Variants in IL10 observed in about 807,000 individuals in gnomAD.
The protein encoded by IL10 is interleukin 10.
In IL10, 7 loss-of-function variants were observed where a neutral mutation model predicts 21.0. The ratio of observed to expected loss-of-function variants is 0.33; its 90% CI spans 0.19 to 0.63. IL10 has a LOEUF of 0.63. Ranked by LOEUF, IL10 falls within the 20% of genes least tolerant of loss-of-function variation. The pLI, the probability that IL10 is intolerant of heterozygous loss-of-function variation, is 0.77. For missense variants in IL10, 161 were observed against 213.0 expected (o/e 0.76, Z 1.52); for synonymous variants, 83 against 79.7 (o/e 1.04, Z -0.22).
At chr1:206,769,216 G>A (rs1674750616) in intron 4 of IL10, among the ~76,000 whole-genome samples, 1 of 152,212 alleles carries the variant, frequency 6.6e-6, no homozygotes, top group Admixed American at 6.5e-5. Context: ...CAGCCCACGA[G>A]GAGGACATAG....
chr1:206,771,532 CA>C (rs1009464908), intron 1 of IL10, 117 bp from the exon 2 acceptor site: 4 of 801,758 alleles, frequency 5.0e-6, no homozygotes, highest in Non-Finnish European at 4.2e-6. Flanking sequence ...GGCTCTGGCC[CA>C]AAAAAATCAA....
Position 206,769,825 on chromosome 1 carries a change from T to C in IL10, c.444+4A>G. On this transcript the variant is annotated splice_donor_region_variant and intron_variant, in intron 4 of 4. Transcript: ENST00000423557. ...AGACCCTCTCTGCCACCATCCAAGC[T>C]CACCTTATTAAAGGCATTCTTCACC... 6.2e-7 allele frequency: 1 copy of C among 1,612,044 alleles called. No homozygotes were observed. The highest frequency in any genetic ancestry group is 8.5e-7 in the Non-Finnish European group (1 of 1,178,154).
At position 206,768,315 on chromosome 1, in the gene IL10, T is replaced by A. The variant is rs1674726971; in HGVS notation, c.*321A>T. 2 of 323,754 alleles carry A rather than the reference T, an allele frequency of 6.2e-6. No homozygotes were observed. 20.1% of individuals were successfully genotyped at this position (323,754 alleles called of 1,614,324 possible). A position where few individuals can be genotyped will look rare whatever the true frequency, so the allele number is the denominator to read the frequency against. On this transcript the variant is annotated 3_prime_UTR_variant, in exon 5 of 5. Transcript: ENST00000423557. ...GTTGGCTCCCCAAAGAACATTTTTT[T>A]TCCTCCCTTATGTAACTTATAATTT...
chr1:206,771,627 A>T (rs985235425), intron 1 of IL10, among the ~76,000 whole-genome samples: 1 of 152,208 alleles, frequency 6.6e-6, no homozygotes, highest in Non-Finnish European at 1.5e-5. Context: ...CAAGTTATTT[A>T]AAAAATCTGG....
chr1:206,771,226 G>A, intron 2 of IL10, 130 bp downstream of exon 2: 1 of 1,144,378 alleles, frequency 8.7e-7, no homozygotes, highest in Non-Finnish European at 1.3e-6. Context: ...TGGATGTGCT[G>A]AGTTAACATC....
chr1:206,769,776 G>A (rs1406134990), intron 4 of IL10, 53 bp downstream of exon 4: 2 of 1,363,136 alleles, frequency 1.5e-6, no homozygotes, highest in African/African-American at 2.9e-5. Context: ...TGGGGTTGGG[G>A]AGTGGGCATG....
chr1:206,768,180 T>G lies in IL10; in HGVS notation c.*456A>C, dbSNP rs995277208. ...TCCCTGGTTTCTCTTCCTAAGAGTA[T>G]TTGTAGCAGTTAGGAAGCCCCAAGC... On this transcript the variant is annotated 3_prime_UTR_variant, in exon 5 of 5. Coordinates refer to ENST00000423557, the MANE Select transcript of IL10 (RefSeq NM_000572.3). 4.1e-6 allele frequency: 1 copy of G among 241,528 alleles called. No homozygotes were observed. The highest frequency in any genetic ancestry group is 2.2e-5 in the African/African-American group (1 of 44,726). 15.0% of individuals were successfully genotyped at this position (241,528 alleles called of 1,614,324 possible).
chr1:206,767,731 T>A lies in IL10; in HGVS notation c.*905A>T, dbSNP rs1387634020. The A allele has an allele frequency of 6.6e-6, 1 of 152,176 alleles. No individual in the cohort carries two copies. Among genetic ancestry groups the A allele is most frequent in the Non-Finnish European group, 1.5e-5 (1 of 68,018 alleles). 9.4% of individuals were successfully genotyped at this position (152,176 alleles called of 1,614,324 possible). On this transcript the variant is annotated 3_prime_UTR_variant, in exon 5 of 5. Coordinates refer to ENST00000423557, the MANE Select transcript of IL10 (RefSeq NM_000572.3). ...TGAGTTCTATTAGAACCAAATTTAT[T>A]TTTATTTTTATTTTTTGAGACAGAG...
In IL10 at chr1:206,771,348, G is replaced by GC; in HGVS notation, c.225+7dup. ...CACACTCCCCCAGCACCCCGCCCCT[G>GC]CTCTCACCTTAAAGTCCTCCAGCAA... is the stretch of plus-strand genomic sequence containing the variant. On this transcript the variant is annotated splice_region_variant and intron_variant, in intron 2 of 4. Transcript: ENST00000423557. The GC allele has an allele frequency of 2.5e-6, 4 of 1,612,174 alleles. No individual in the cohort carries two copies. Among genetic ancestry groups the GC allele is most frequent in the Non-Finnish European group, 3.4e-6 (4 of 1,178,486 alleles).
Position 206,772,297 on chromosome 1 carries a change from C to A in IL10, c.139G>T (p.Ala47Ser). 3 of 1,614,174 alleles carry A rather than the reference C, an allele frequency of 1.9e-6. No individual in the cohort carries two copies. Among genetic ancestry groups the A allele is most frequent in the Non-Finnish European group, 2.5e-6 (3 of 1,179,990 alleles). Residue 47 changes from alanine (A) to serine (S), a missense_variant, in exon 1 of 5, where the codon GCC becomes TCC. By Grantham distance (99) the Ala-to-Ser change is moderately conservative. Transcript: ENST00000423557. ...LPNMLRDLRDAFSRVKTFFQM... is the reference protein window; with the variant it reads ...LPNMLRDLRDSFSRVKTFFQM... The stretch of plus-strand genomic sequence containing the variant: ...AAGAAAGTCTTCACTCTGCTGAAGG[C>A]ATCTCGGAGATCTCGAAGCATGTTA...
Position 206,772,473 on chromosome 1 carries a change from C to T in IL10, c.-38G>A. 1 of 1,606,476 alleles carries T rather than the reference C, an allele frequency of 6.2e-7. No homozygotes were observed. Among genetic ancestry groups the T allele is most frequent in the Non-Finnish European group, 8.5e-7 (1 of 1,174,742 alleles). On this transcript the variant is annotated 5_prime_UTR_variant, in exon 1 of 5. Transcript: ENST00000423557. ...AAGTCTGTCTTGTGGTTTGGTTTTG[C>T]AAGAGCAAGCCCCTGATGTGTAGAC...
chr1:206,770,912 G>T lies in IL10; in HGVS notation c.373C>A (p.Arg125Ser), dbSNP rs771912629. 2.5e-6 allele frequency: 4 copies of T among 1,613,864 alleles called. No individual in the cohort carries two copies. The highest frequency in any genetic ancestry group is 2.2e-5 in the East Asian group (1 of 44,890). The change falls in exon 3 of 5, where the codon CGC (arginine) becomes AGC (serine). Residue 125 changes from arginine (R) to serine (S), a missense_variant. Physicochemically the swap from Arg to Ser is moderately radical, Grantham distance 110. Transcript: ENST00000423557. ...AAAACTGATCTGCTACTTACACAGC[G>T]CCGTAGCCTCAGCCTGAGGGTCTTC... ...NLKTLRLRLR[R>S]CHRFLPCENK...
At position 206,768,384 on chromosome 1, in the gene IL10, C is replaced by T. The variant is rs1288486611; in HGVS notation, c.*252G>A. On this transcript the variant is annotated 3_prime_UTR_variant, in exon 5 of 5. Coordinates refer to ENST00000423557, the MANE Select transcript of IL10 (RefSeq NM_000572.3). ...ACCATAGTGTGTCACCCTATGGAAA[C>T]AGCTTAAAAACAGGTGAAAATAATA... 3 of 455,232 alleles carry T rather than the reference C, an allele frequency of 6.6e-6. No individual in the cohort carries two copies. The highest frequency in any genetic ancestry group is 2.6e-5 in the South Asian group (1 of 39,106). 28.2% of individuals were successfully genotyped at this position (455,232 alleles called of 1,614,324 possible).
At position 206,770,961 on chromosome 1, in the gene IL10, A is replaced by C. The variant is rs547437506; in HGVS notation, c.324T>G (p.His108Gln). The C allele has an allele frequency of 1.2e-6, 2 of 1,614,000 alleles. No individual in the cohort carries two copies. The highest frequency in any genetic ancestry group is 1.7e-6 in the Non-Finnish European group (2 of 1,180,002). The change falls in exon 3 of 5, where the codon CAT becomes CAG. Residue 108 changes from histidine (H) to glutamine (Q), a missense_variant. By Grantham distance (24) the His-to-Gln change is conservative. Coordinates refer to ENST00000423557, the MANE Select transcript of IL10 (RefSeq NM_000572.3). ...TCAGGTTCTCCCCCAGGGAGTTCAC[A>C]TGCGCCTTGATGTCTGGGTCTTGGT... ...AENQDPDIKA[H>Q]VNSLGENLKT...
intron 3 of IL10, chr1:206,770,368 G>A (rs1878672): frequency 1.5e-5 from 4 of 272,906 alleles, no homozygotes; most frequent in Non-Finnish European, 2.9e-5. Flanking sequence ...TTAGTAGTGA[G>A]GGCATCATTT....
chr1:206,768,749 C>T (rs766258441), intron 4 of IL10, 21 bp from the exon 5 acceptor site: 2 of 1,496,494 alleles, frequency 1.3e-6, no homozygotes, highest in Non-Finnish European at 1.9e-6. Context: ...AGATAAGAAA[C>T]ATACAGTTAA....
chr1:206,768,586 G>A lies in IL10; in HGVS notation c.*50C>T, dbSNP rs1164696192. 9.3e-7 allele frequency: 1 copy of A among 1,079,422 alleles called. No homozygotes were observed. The highest frequency in any genetic ancestry group is 1.7e-5 in the Admixed American group (1 of 58,464). The allele number at this position is 1,079,422 out of a possible 1,614,324, so 66.9% of individuals were successfully genotyped here. On this transcript the variant is annotated 3_prime_UTR_variant, in exon 5 of 5. Transcript: ENST00000423557. ...TCCCAGAGCCCCAGATCCGATTTTG[G>A]AGACCTCTAATTTATGTCCTAGAGT...
chr1:206,772,174 G>A (rs1303428489), intron 1 of IL10, 97 bp downstream of exon 1: 1 of 1,038,636 alleles, frequency 9.6e-7, no homozygotes, highest in African/African-American at 1.6e-5. Flanking sequence ...TGGGGATGGA[G>A]GTGGAGGCGC....
intron 4 of IL10, 64 bp from the exon 5 acceptor site, chr1:206,768,792 C>T (rs1035494675): frequency 5.2e-6 from 5 of 970,634 alleles, no homozygotes; most frequent in South Asian, 2.6e-5. Flanking sequence ...GGCTCCCCTC[C>T]CTCATGCTCA....
Sources: allele counts gnomAD v4.1 joint callset (sites outside exome capture counted in the v4.1 genomes callset), GRCh38; gene constraint gnomAD v4.1.1; transcripts MANE v1.5; gene names NCBI Gene and HGNC (gene_info 2026-07-23, HGNC 2026-07-21).